The following RAPGEF2 variants were observed in gnomAD, a reference collection of about 807,000 sequenced individuals.
RAPGEF2 encodes PDZ domain containing guanine nucleotide exchange factor (GEF) 1.
In RAPGEF2, 54 loss-of-function variants were observed where a neutral mutation model predicts 186.7. The observed-to-expected ratio is 0.29, with a 90% CI of 0.23 to 0.36. The LOEUF is 0.36. RAPGEF2 is among the 10% of genes least tolerant of loss of function. The probability of loss-of-function intolerance (pLI) is 1.00; values close to 1 mark genes in which losing one functional copy is unlikely to be tolerated. For synonymous variants in RAPGEF2, 712 were observed against 705.9 expected (o/e 1.01, Z -0.14); for missense variants, 1,532 against 2,045.0 (o/e 0.75, Z 4.84).
chr4:159,188,359 T>G (rs1016412288), intron 2 of RAPGEF2, among the ~76,000 whole-genome samples: 3 of 152,080 alleles, frequency 2.0e-5, no homozygotes, highest in Non-Finnish European at 4.4e-5. Flanking sequence ...ACAGAAATTT[T>G]CTGGATGACA....
At position 159,295,720 on chromosome 4, in the gene RAPGEF2, AGTGTGTGTGTGT is replaced by A. The variant is rs71589223; in HGVS notation, c.544-8598_544-8587del. Among the ~76,000 whole-genome samples, 338 of 134,650 alleles carry A rather than the reference AGTGTGTGTGTGT, an allele frequency of 2.5e-3. 2 individuals are homozygous for A. The highest frequency in any genetic ancestry group is 5.9e-3 in the East Asian group (27 of 4,552). The allele number at this position is 134,650 out of a possible 152,430, so 88.3% of individuals were successfully genotyped here. ...TAGCATAAGAGAGAGAGAGTGTGTG[AGTGTGTGTGTGT>A]GTGTGTGTGTGTGTGTGTGTGTGCG... On this transcript the variant is annotated intron_variant, in intron 7 of 29. Coordinates refer to ENST00000691494, the MANE Select transcript of RAPGEF2 (RefSeq NM_001394067.2).
intron 3 of RAPGEF2, among the ~76,000 whole-genome samples, chr4:159,206,859 A>G (rs1750041913): frequency 6.6e-6 from 1 of 152,174 alleles, no homozygotes; most frequent in Non-Finnish European, 1.5e-5. Flanking sequence ...ATAGGAGGAG[A>G]GGAGAGGGGT....
chr4:159,263,374 A>G (rs112212983), intron 7 of RAPGEF2, among the ~76,000 whole-genome samples: 1,989 of 152,314 alleles, frequency 0.013, 47 homozygotes, highest in African/African-American at 0.045. Context: ...CATATAGAAA[A>G]TAGCATTTTA....
rs566087508 is a variant in RAPGEF2 at position 159,265,631 on chromosome 4, T to G, written c.543+21840T>G. On this transcript the variant is annotated intron_variant, in intron 7 of 29. Transcript: ENST00000691494. Reference sequence around the variant, plus strand: ...AGCAGTGGGAAGCCATGGAAGTGTTTTGTTTTCATTTGTAAAAGGAGCTTA... The same window carrying G: ...AGCAGTGGGAAGCCATGGAAGTGTTGTGTTTTCATTTGTAAAAGGAGCTTA... Among the ~76,000 whole-genome samples, 11 of 152,272 alleles carry G rather than the reference T, an allele frequency of 7.2e-5. No homozygotes were observed. In the South Asian group the frequency reaches 2.3e-3, roughly 32 times the overall value.
chr4:159,183,534 T>C (rs772035164), intron 1 of RAPGEF2, among the ~76,000 whole-genome samples: 4 of 152,182 alleles, frequency 2.6e-5, no homozygotes, highest in Non-Finnish European at 5.9e-5. Context: ...CTCTAAAAGC[T>C]CATGCAACAA....
At chr4:159,273,678 CT>C (rs1291208595) in intron 7 of RAPGEF2, among the ~76,000 whole-genome samples, 2 of 146,480 alleles carry the variant, frequency 1.4e-5, no homozygotes, top group East Asian at 2.0e-4. Flanking sequence ...TTCTTTCTTT[CT>C]TTCTTTCTTT....
At chr4:159,312,133 A>T (rs1247371059) in intron 8 of RAPGEF2, among the ~76,000 whole-genome samples, 1 of 152,178 alleles carries the variant, frequency 6.6e-6, no homozygotes, top group Admixed American at 6.5e-5. Flanking sequence ...GGTATAAAAT[A>T]TATTCCATCT....
intron 4 of RAPGEF2, among the ~76,000 whole-genome samples, chr4:159,233,944 CG>C (rs57731426): frequency 0.29 from 44,195 of 151,770 alleles, 7,820 homozygotes; most frequent in Non-Finnish European, 0.4. Context: ...AATTGGGAAG[CG>C]TGAGTCCTCA....
At chr4:159,268,000 GC>G in intron 7 of RAPGEF2, 11 of 1,428,420 alleles carry the variant, frequency 7.7e-6, no homozygotes, top group Admixed American at 3.0e-5. Flanking sequence ...GGGTTTTTAA[GC>G]TTACCAGTAG....
At chr4:159,136,851 G>A (rs538117944) in intron 1 of RAPGEF2, among the ~76,000 whole-genome samples, 5 of 152,262 alleles carry the variant, frequency 3.3e-5, no homozygotes, top group Non-Finnish European at 5.9e-5. Flanking sequence ...TTTTGGAAAT[G>A]TATAGACATT....
intron 1 of RAPGEF2, among the ~76,000 whole-genome samples, chr4:159,138,564 A>G (rs143182800): frequency 2.8e-4 from 42 of 152,204 alleles, no homozygotes; most frequent in Non-Finnish European, 4.4e-4. Context: ...AATAGATGGT[A>G]CTAAATAAGT....
At chr4:159,144,243 A>C (rs11934855) in intron 1 of RAPGEF2, among the ~76,000 whole-genome samples, 55,734 of 152,070 alleles carry the variant, frequency 0.37, 10,259 homozygotes, top group African/African-American at 0.38. Flanking sequence ...TCATTCTGCA[A>C]CTTACCTTAG....
chr4:159,272,273 C>A (rs543494776), intron 7 of RAPGEF2, among the ~76,000 whole-genome samples: 1 of 152,172 alleles, frequency 6.6e-6, no homozygotes, highest in Non-Finnish European at 1.5e-5. Flanking sequence ...TATAATGTAA[C>A]TTAACCATAT....
At chr4:159,327,159 C>T (rs1766037171) in intron 11 of RAPGEF2, 1 of 152,168 alleles carries the variant, frequency 6.6e-6, no homozygotes, top group African/African-American at 2.4e-5. Flanking sequence ...TTTCATTCAT[C>T]ATCTGTAATG....
intron 7 of RAPGEF2, among the ~76,000 whole-genome samples, chr4:159,252,938 A>G (rs1340055260): frequency 3.3e-5 from 5 of 152,366 alleles, no homozygotes; most frequent in Admixed American, 2.0e-4. Flanking sequence ...ACACATTAAC[A>G]TGAGGGTTTT....
chr4:159,139,758 G>T (rs1314739634), intron 1 of RAPGEF2, among the ~76,000 whole-genome samples: 1 of 152,186 alleles, frequency 6.6e-6, no homozygotes, highest in African/African-American at 2.4e-5. Context: ...AGTGAACAAA[G>T]AGGACAGATT....
rs144160290 is a variant in RAPGEF2, at chr4:159,272,889, T to C, written c.543+29098T>C. Among the ~76,000 whole-genome samples, 155 of 152,356 alleles carry C rather than the reference T, an allele frequency of 1.0e-3. 4 individuals are homozygous for C. In the East Asian group the frequency reaches 0.026, roughly 25 times the overall value. On this transcript the variant is annotated intron_variant, in intron 7 of 29. Transcript: ENST00000691494. Reference sequence around the variant, plus strand: ...CAGCAAAGGAGTGTAACCTCTTTCTTCACCTCTCCTTCCTATCTTTCAACT... The same window carrying C: ...CAGCAAAGGAGTGTAACCTCTTTCTCCACCTCTCCTTCCTATCTTTCAACT...
At chr4:159,308,954 C>A (rs905397150) in intron 8 of RAPGEF2, among the ~76,000 whole-genome samples, 1 of 152,024 alleles carries the variant, frequency 6.6e-6, no homozygotes, top group African/African-American at 2.4e-5. Flanking sequence ...ACAAATTGAC[C>A]AGAGAAATGG....
At chr4:159,275,541 C>T (rs1309803969) in intron 7 of RAPGEF2, among the ~76,000 whole-genome samples, 1 of 151,938 alleles carries the variant, frequency 6.6e-6, no homozygotes, top group Non-Finnish European at 1.5e-5. Context: ...TATAATTAAT[C>T]CATACTTTAA....
Sources: gnomAD v4.1 joint callset for allele counts (sites outside exome capture counted in the v4.1 genomes callset) on GRCh38, gnomAD v4.1.1 for gene constraint, MANE v1.5 for transcripts, NCBI Gene and HGNC (gene_info 2026-07-23, HGNC 2026-07-21) for gene names.